The following KCNQ1OT1 variants were observed in gnomAD, a reference collection of about 807,000 sequenced individuals.
KCNQ1OT1 encodes the protein KCNQ1 antisense RNA 2 (non-protein coding).
In KCNQ1OT1 at chr11:2,698,046, ATC is replaced by A; in HGVS notation, n.1947_1948del. On this transcript the variant is annotated non_coding_transcript_exon_variant, in exon 1 of 1. Coordinates refer to ENST00000597346, the Ensembl canonical transcript of KCNQ1OT1. This position sits in a 1 kb window ranked among gnomAD's most constrained non-coding sequence, Gnocchi z 5.1. ...ATGGATCATTTGAGACACCATAGAA[ATC>A]TGGTTAATCCTGCCTGCCTGCTTTC... The A allele has an allele frequency of 5.0e-6, 2 of 398,636 alleles. No individual in the cohort carries two copies. 24.7% of individuals were successfully genotyped at this position (398,636 alleles called of 1,614,324 possible).
In KCNQ1OT1 at chr11:2,671,745, C is replaced by G; in HGVS notation, n.28250G>C. On this transcript the variant is annotated non_coding_transcript_exon_variant, in exon 1 of 1. Coordinates refer to ENST00000597346, the Ensembl canonical transcript of KCNQ1OT1. The surrounding 1 kb of genome is among the most constrained non-coding windows in gnomAD (Gnocchi z 4.7). ...GCAAGGCTTTTCAGAGAACAAGGAG[C>G]TACATACACATACATGCATGCACAT... is the stretch of plus-strand genomic sequence containing the variant. 1 of 398,558 alleles carries G rather than the reference C, an allele frequency of 2.5e-6. No homozygotes were observed. The allele number at this position is 398,558 out of a possible 1,614,324, so 24.7% of individuals were successfully genotyped here. A position where few individuals can be genotyped will look rare whatever the true frequency, so the allele number is the denominator to read the frequency against.
rs531016515 is a variant in KCNQ1OT1, at chr11:2,647,990, G to A, written n.52005C>T. On this transcript the variant is annotated non_coding_transcript_exon_variant, in exon 1 of 1. Transcript: ENST00000597346. The surrounding 1 kb of genome is among the most constrained non-coding windows in gnomAD (Gnocchi z 4.0). Reference sequence around the variant, plus strand: ...GTACTTTGGAAGGCCAAGGCAGGCCGATCGCTTGAGTCCAGGAGTTTGAGA... The same window carrying A: ...GTACTTTGGAAGGCCAAGGCAGGCCAATCGCTTGAGTCCAGGAGTTTGAGA... 374 of 396,910 alleles carry A rather than the reference G, an allele frequency of 9.4e-4. 2 individuals carry two copies. The highest frequency in any genetic ancestry group is 5.3e-3 in the African/African-American group (254 of 48,244). 24.6% of individuals were successfully genotyped at this position (396,910 alleles called of 1,614,324 possible). A position where few individuals can be genotyped will look rare whatever the true frequency, so the allele number is the denominator to read the frequency against.
At chr11:2,631,059 C>T (rs1849344602) in exon 1 of KCNQ1OT1, 4 of 398,476 alleles carry the variant, frequency 1.0e-5, no homozygotes, top group Non-Finnish European at 1.8e-5. Flanking sequence ...TAGGTGAAAC[C>T]TCTTTTAGAT....
In KCNQ1OT1 at chr11:2,627,082, C is replaced by T; in HGVS notation, n.72913G>A. ...AGGAGGTGTTTTCCCTTTATGTCTACTTTAATTTCTTTCAGCATTGTTTTG... is the reference window on the plus strand; with the variant it reads ...AGGAGGTGTTTTCCCTTTATGTCTATTTTAATTTCTTTCAGCATTGTTTTG... On this transcript the variant is annotated non_coding_transcript_exon_variant, in exon 1 of 1. Transcript: ENST00000597346. The surrounding 1 kb of genome is among the most constrained non-coding windows in gnomAD (Gnocchi z 4.9). The T allele has an allele frequency of 2.5e-6, 1 of 398,406 alleles. No homozygotes were observed. Among genetic ancestry groups the T allele is most frequent in the South Asian group, 1.3e-4 (1 of 7,850 alleles). The allele number at this position is 398,406 out of a possible 1,614,324, so 24.7% of individuals were successfully genotyped here.
At chr11:2,631,562 A>G (rs1301249959) in exon 1 of KCNQ1OT1, 2 of 398,362 alleles carry the variant, frequency 5.0e-6, no homozygotes, top group Non-Finnish European at 4.4e-6. Context: ...CTGTAAGGCA[A>G]TTAATGTATC....
At position 2,671,250 on chromosome 11, in the gene KCNQ1OT1, GA is replaced by G. The variant is rs1403684012; in HGVS notation, n.28744del. 7.5e-6 allele frequency: 3 copies of G among 398,454 alleles called. No individual in the cohort carries two copies. The highest frequency in any genetic ancestry group is 6.2e-5 in the African/African-American group (3 of 48,604). The allele number at this position is 398,454 out of a possible 1,614,324, so 24.7% of individuals were successfully genotyped here. On this transcript the variant is annotated non_coding_transcript_exon_variant, in exon 1 of 1. Transcript: ENST00000597346. This position sits in a 1 kb window ranked among gnomAD's most constrained non-coding sequence, Gnocchi z 4.7. ...GAGTCCAGGTCTGACCTCAAAATCC[GA>G]TGTCCCCACCATCCCCAGCCCCTTA...
chr11:2,653,302 C>G lies in KCNQ1OT1; in HGVS notation n.46693G>C, dbSNP rs1564846122. The G allele has an allele frequency of 2.5e-6, 1 of 398,702 alleles. No individual in the cohort carries two copies. Among genetic ancestry groups the G allele is most frequent in the East Asian group, 3.6e-5 (1 of 28,080 alleles). The allele number at this position is 398,702 out of a possible 1,614,324, so 24.7% of individuals were successfully genotyped here. On this transcript the variant is annotated non_coding_transcript_exon_variant, in exon 1 of 1. Coordinates refer to ENST00000597346, the Ensembl canonical transcript of KCNQ1OT1. This position sits in a 1 kb window ranked among gnomAD's most constrained non-coding sequence, Gnocchi z 5.3. ...GTGGGGGCAGTGCAGACCAGTTTAG[C>G]TATTTTGTAACCTTGACTGCCCCCA... is the stretch of plus-strand genomic sequence containing the variant.
rs1471494881 is a variant in KCNQ1OT1, at chr11:2,652,480, C to T, written n.47515G>A. ...CCAAAGACCTCCAGAAACTTTCCTC[C>T]CCACCTCTCCAGAGGTTTCTGGGGA... On this transcript the variant is annotated non_coding_transcript_exon_variant, in exon 1 of 1. Coordinates refer to ENST00000597346, the Ensembl canonical transcript of KCNQ1OT1. The surrounding 1 kb of genome is among the most constrained non-coding windows in gnomAD (Gnocchi z 5.9). 2.5e-6 allele frequency: 1 copy of T among 398,448 alleles called. No homozygotes were observed. Among genetic ancestry groups the T allele is most frequent in the Non-Finnish European group, 4.4e-6 (1 of 226,080 alleles). The allele number at this position is 398,448 out of a possible 1,614,324, so 24.7% of individuals were successfully genotyped here. A position where few individuals can be genotyped will look rare whatever the true frequency, so the allele number is the denominator to read the frequency against.
rs1849205034 is a variant in KCNQ1OT1 at position 2,623,339 on chromosome 11, C to T, written n.76656G>A. 2.5e-6 allele frequency: 1 copy of T among 398,496 alleles called. No individual in the cohort carries two copies. Among genetic ancestry groups the T allele is most frequent in the African/African-American group, 2.1e-5 (1 of 48,608 alleles). The allele number at this position is 398,496 out of a possible 1,614,324, so 24.7% of individuals were successfully genotyped here. ...GAACGGACTAATATGCATGTATCTA[C>T]CATTATAGTATCATACAGATACGTA... On this transcript the variant is annotated non_coding_transcript_exon_variant, in exon 1 of 1. Transcript: ENST00000597346. This position sits in a 1 kb window ranked among gnomAD's most constrained non-coding sequence, Gnocchi z 5.2.
rs1849161951 is a variant in KCNQ1OT1 at position 2,620,970 on chromosome 11, CTTTTTTGTTTGTTTGTTTG to C, written n.79006_79024del. On this transcript the variant is annotated non_coding_transcript_exon_variant, in exon 1 of 1. Transcript: ENST00000597346. This position sits in a 1 kb window ranked among gnomAD's most constrained non-coding sequence, Gnocchi z 4.5. ...TTTGTTTTTTTTTGTCTGTTTTTTG[CTTTTTTGTTTGTTTGTTTG>C]TTTTTTGAGAAAGAGTCTTGCTCTG... 2 of 379,602 alleles carry C rather than the reference CTTTTTTGTTTGTTTGTTTG, an allele frequency of 5.3e-6. No homozygotes were observed. The highest frequency in any genetic ancestry group is 4.9e-5 in the Admixed American group (1 of 20,500). The allele number at this position is 379,602 out of a possible 1,614,324, so 23.5% of individuals were successfully genotyped here.
At position 2,624,649 on chromosome 11, in the gene KCNQ1OT1, A is replaced by T. The variant is rs372556745; in HGVS notation, n.75346T>A. 8 of 398,484 alleles carry T rather than the reference A, an allele frequency of 2.0e-5. No individual in the cohort carries two copies. The highest frequency in any genetic ancestry group is 2.5e-4 in the South Asian group (2 of 7,860). 24.7% of individuals were successfully genotyped at this position (398,484 alleles called of 1,614,324 possible). On this transcript the variant is annotated non_coding_transcript_exon_variant, in exon 1 of 1. Transcript: ENST00000597346. The surrounding 1 kb of genome is among the most constrained non-coding windows in gnomAD (Gnocchi z 4.9). ...TTCAGTGAATGTATTAGATACGTTC[A>T]CAATGCTGTGCAATCATCACTATCA...
exon 1 of KCNQ1OT1, chr11:2,667,426 C>T (rs1241702389): frequency 2.5e-6 from 1 of 398,736 alleles, no homozygotes; most frequent in Non-Finnish European, 4.4e-6. Flanking sequence ...TGTGAACTCC[C>T]AGCCATGATG....
In KCNQ1OT1 at chr11:2,623,967, C is replaced by A. The variant is rs1180827212; in HGVS notation, n.76028G>T. 1.0e-5 allele frequency: 4 copies of A among 398,520 alleles called. No homozygotes were observed. Among genetic ancestry groups the A allele is most frequent in the Admixed American group, 8.8e-5 (2 of 22,714 alleles). The allele number at this position is 398,520 out of a possible 1,614,324, so 24.7% of individuals were successfully genotyped here. A position where few individuals can be genotyped will look rare whatever the true frequency, so the allele number is the denominator to read the frequency against. On this transcript the variant is annotated non_coding_transcript_exon_variant, in exon 1 of 1. Transcript: ENST00000597346. This position sits in a 1 kb window ranked among gnomAD's most constrained non-coding sequence, Gnocchi z 5.2. Reference sequence around the variant, plus strand: ...ACCACCAAACTCTTCTCCACCAGGGCTGCACCACTTTACATTCCCATTAAT... The same window carrying A: ...ACCACCAAACTCTTCTCCACCAGGGATGCACCACTTTACATTCCCATTAAT...
exon 1 of KCNQ1OT1, chr11:2,696,042 A>AGT (rs1850671121): frequency 7.5e-6 from 3 of 398,498 alleles, no homozygotes; most frequent in Non-Finnish European, 1.3e-5. Context: ...TTGTTTCCTT[A>AGT]GTATTATTAT....
exon 1 of KCNQ1OT1, chr11:2,662,596 C>T: frequency 2.4e-6 from 1 of 416,886 alleles, no homozygotes; most frequent in Non-Finnish European, 4.2e-6. Context: ...CCCGTCCTCC[C>T]CCGCCGTCAC....
At chr11:2,619,560 A>G (rs1849128722) in exon 1 of KCNQ1OT1, 1 of 398,444 alleles carries the variant, frequency 2.5e-6, no homozygotes, top group African/African-American at 2.1e-5. Context: ...TGTTAAATTT[A>G]GTCTGCCAAT....
chr11:2,643,073 T>G, exon 1 of KCNQ1OT1: 1 of 398,098 alleles, frequency 2.5e-6, no homozygotes. Context: ...ATACTTAGTG[T>G]CCTAACATAT....
exon 1 of KCNQ1OT1, chr11:2,665,330 C>T (rs899153784): frequency 2.5e-5 from 10 of 398,220 alleles, no homozygotes; most frequent in Non-Finnish European, 4.4e-5. Flanking sequence ...GAAGTAGAGA[C>T]TGTAGGCCTG....
In KCNQ1OT1 at chr11:2,621,392, A is replaced by G. The variant is rs1314179724; in HGVS notation, n.78603T>C. 3 of 398,550 alleles carry G rather than the reference A, an allele frequency of 7.5e-6. No individual in the cohort carries two copies. Among genetic ancestry groups the G allele is most frequent in the Non-Finnish European group, 1.3e-5 (3 of 226,046 alleles). 24.7% of individuals were successfully genotyped at this position (398,550 alleles called of 1,614,324 possible). On this transcript the variant is annotated non_coding_transcript_exon_variant, in exon 1 of 1. Coordinates refer to ENST00000597346, the Ensembl canonical transcript of KCNQ1OT1. The surrounding 1 kb of genome is among the most constrained non-coding windows in gnomAD (Gnocchi z 5.7). ...TGTCCTTTGCCAATTCAATTGGATTATTCGTTTTTTGCTTGTTGATTGGTT... is the reference window on the plus strand; with the variant it reads ...TGTCCTTTGCCAATTCAATTGGATTGTTCGTTTTTTGCTTGTTGATTGGTT...
Sources: allele counts gnomAD v4.1 joint callset, GRCh38; gene constraint gnomAD v4.1.1; non-coding constraint Gnocchi (gnomAD v3.1); transcripts MANE v1.5; gene names NCBI Gene and HGNC (gene_info 2026-07-23, HGNC 2026-07-21).